The following GBP3 variants were observed in gnomAD, a reference collection of about 807,000 sequenced individuals.
The protein encoded by GBP3 is guanylate binding protein 3, also known as guanylate-binding protein 3.
In GBP3, 55 loss-of-function variants were observed where a neutral mutation model predicts 62.4. The observed-to-expected ratio is 0.88, with a 90% confidence interval of 0.71 to 1.10. The LOEUF (loss-of-function observed/expected upper bound fraction) is 1.10. Ranked by LOEUF, GBP3 falls within the 50% of genes least tolerant of loss-of-function variation. GBP3 has a pLI of 0.00. For missense variants in GBP3, 605 were observed against 690.6 expected, an observed-to-expected ratio of 0.88 and a Z score of 1.39; for synonymous variants, 208 against 259.2, an observed-to-expected ratio of 0.80 and a Z score of 1.90.
Position 89,020,712 on chromosome 1 carries a change from C to G in GBP3, c.10G>C (p.Glu4Gln), listed in dbSNP as rs1282354376. Residue 4 changes from glutamate to glutamine, a missense_variant, in exon 2 of 11, where the codon GAG (glutamate) becomes CAG (glutamine). Coordinates refer to ENST00000370481, the MANE Select transcript of GBP3 (RefSeq NM_018284.3). MAPEIHMTGPMCLI... is the reference protein window; with the variant it reads MAPQIHMTGPMCLI... ...CACATTGGGCCTGTCATGTGGATCT[C>G]TGGAGCCATGTCCAGGGCATTGTTC... 3 of 1,613,804 alleles carry G rather than the reference C, an allele frequency of 1.9e-6. No homozygotes were observed. Among genetic ancestry groups the G allele is most frequent in the Non-Finnish European group, 2.5e-6 (3 of 1,179,832 alleles).
Position 89,020,520 on chromosome 1 carries a change from C to G in GBP3, c.190+12G>C. On this transcript the variant is annotated intron_variant, in intron 2 of 10. Transcript: ENST00000370481. Reference sequence around the variant, plus strand: ...AGAAGGGACTTGGCAGAGCTTTGCTCATGCCACTCACCCTTATTCTTCCCA... The same window carrying G: ...AGAAGGGACTTGGCAGAGCTTTGCTGATGCCACTCACCCTTATTCTTCCCA... 6.2e-7 allele frequency: 1 copy of G among 1,613,880 alleles called. No individual in the cohort carries two copies. The highest frequency in any genetic ancestry group is 1.7e-5 in the Admixed American group (1 of 60,022).
intron 1 of GBP3, among the ~76,000 whole-genome samples, chr1:89,021,510 GCACACACACACA>G (rs1553178198): frequency 2.0e-4 from 27 of 131,738 alleles, no homozygotes; most frequent in African/African-American, 7.8e-4. Context: ...GCGCGCGCGC[GCACACACACACA>G]CACACACACA....
chr1:89,011,046 G>C lies in GBP3; in HGVS notation c.1220C>G (p.Ala407Gly), dbSNP rs1159498078. The C allele has an allele frequency of 6.2e-6, 9 of 1,462,006 alleles. 2 individuals are homozygous for C. The highest frequency in any genetic ancestry group is 1.4e-5 in the African/African-American group (1 of 73,960). The allele number at this position is 1,462,006 out of a possible 1,614,324, so 90.6% of individuals were successfully genotyped here. A position where few individuals can be genotyped will look rare whatever the true frequency, so the allele number is the denominator to read the frequency against. Residue 407 changes from alanine (A) to glycine (G), a missense_variant, in exon 8 of 11, where the codon GCT (alanine) becomes GGT (glycine). Around this residue, in one of 3 missense-constraint regions of GBP3, gnomAD observed 137 missense variants for 224.7 expected, o/e 0.61. Coordinates refer to ENST00000370481, the MANE Select transcript of GBP3 (RefSeq NM_018284.3). ...AGGACTGAAAATGACCTGAAGTAAA[G>C]CTGAGCAACGATCTGATGATGCTTC... ...NQEASSDRCS[A>G]LLQVIFSPLE... is the part of the protein sequence containing the mutation.
rs1678293666 is a variant in GBP3 at position 89,007,687 on chromosome 1, T to TATGCC, written c.*32_*36dup. 51 of 1,574,244 alleles carry TATGCC rather than the reference T, an allele frequency of 3.2e-5. No individual in the cohort carries two copies. The East Asian group carries it at 1.1e-3, about 35-fold the overall frequency. On this transcript the variant is annotated 3_prime_UTR_variant, in exon 11 of 11. Coordinates refer to ENST00000370481, the MANE Select transcript of GBP3 (RefSeq NM_018284.3). ...TTCCAAATTCTAAAATTGTTTCAGT[T>TATGCC]ATGCCTTGGGTTAGGATGACAGAAA... is the stretch of plus-strand genomic sequence containing the variant.
chr1:89,007,878 A>G (rs1160494281), intron 10 of GBP3, 26 bp from the exon 11 acceptor site: 3 of 1,604,830 alleles, frequency 1.9e-6, no homozygotes, highest in East Asian at 2.2e-5. Context: ...TGGAGGCTAA[A>G]TAAGTGTAGC....
At position 89,009,129 on chromosome 1, in the gene GBP3, T is replaced by G; in HGVS notation, c.1477A>C (p.Lys493Gln). The change falls in exon 10 of 11, where the codon AAA (lysine) becomes CAA (glutamine). Residue 493 changes from lysine to glutamine, a missense_variant. Coordinates refer to ENST00000370481, the MANE Select transcript of GBP3 (RefSeq NM_018284.3). ...KEKEIEVECV[K>Q]AESAQASAKM... The stretch of plus-strand genomic sequence containing the variant: ...GCTGAAGCCTGTGCAGATTCAGCTT[T>G]TACACATTCCACTGTGGAGGAAGAA... The G allele has an allele frequency of 6.2e-7, 1 of 1,614,050 alleles. No individual in the cohort carries two copies. Among genetic ancestry groups the G allele is most frequent in the Non-Finnish European group, 8.5e-7 (1 of 1,179,944 alleles).
chr1:89,018,562 C>G (rs1004793930), intron 2 of GBP3, among the ~76,000 whole-genome samples: 1 of 152,210 alleles, frequency 6.6e-6, no homozygotes, highest in African/African-American at 2.4e-5. Context: ...TGATTAATAT[C>G]TTGCTAATCA....
At chr1:89,013,608 A>T in intron 5 of GBP3, 181 bp from the exon 6 acceptor site, 1 of 646,870 alleles carries the variant, frequency 1.5e-6, no homozygotes, top group Non-Finnish European at 2.5e-6. Context: ...CTTCCCAAAA[A>T]ACCTCACTTA....
At chr1:89,013,677 A>G in intron 5 of GBP3, 1 of 502,350 alleles carries the variant, frequency 2.0e-6, no homozygotes, top group East Asian at 3.4e-5. Flanking sequence ...GTTCGCCAGC[A>G]TTTGGACTAG....
rs775203545 is a variant in GBP3, at chr1:89,007,789, G to A, written c.1723C>T (p.Gln575Ter). ...GESTQLQNEI[Q>*]KLQKTLKKKT... ...TTTTTCAGGGTCTTCTGTAGCTTTT[G>A]TATCTCATTTTGAAGTTGGGTACTT... Residue 575 changes from glutamine (Q) to a stop codon, truncating the protein, a stop_gained, in exon 11 of 11, where the codon CAA (glutamine) becomes TAA (stop). Coordinates refer to ENST00000370481, the MANE Select transcript of GBP3 (RefSeq NM_018284.3). LOFTEE classifies it low-confidence loss of function (END_TRUNC). 6.2e-7 allele frequency: 1 copy of A among 1,612,214 alleles called. No individual in the cohort carries two copies. Among genetic ancestry groups the A allele is most frequent in the South Asian group, 1.1e-5 (1 of 91,002 alleles).
Position 89,013,211 on chromosome 1 carries a change from G to A in GBP3, c.842C>T (p.Ser281Leu). The stretch of plus-strand genomic sequence containing the variant: ...AGGCCCATTGACCTTGATGCCTCCT[G>A]AAAGAGTTTTAGTTTTGGAATTGCT... ...IFSNSKTKTL[S>L]GGIKVNGPRL... Residue 281 changes from serine to leucine, a missense_variant, in exon 6 of 11, where the codon TCA becomes TTA. Transcript: ENST00000370481. 1 of 1,614,116 alleles carries A rather than the reference G, an allele frequency of 6.2e-7. No individual in the cohort carries two copies. The highest frequency in any genetic ancestry group is 8.5e-7 in the Non-Finnish European group (1 of 1,179,978).
In GBP3 at chr1:89,009,449, TCA is replaced by T. The variant is rs1557723346; in HGVS notation, c.1406_1407del (p.Val469AspfsTer19). 1 of 1,614,180 alleles carries T rather than the reference TCA, an allele frequency of 6.2e-7. No homozygotes were observed. Among genetic ancestry groups the T allele is most frequent in the Admixed American group, 1.7e-5 (1 of 60,020 alleles). On this transcript the variant is annotated frameshift_variant, in exon 9 of 11. Coordinates refer to ENST00000370481, the MANE Select transcript of GBP3 (RefSeq NM_018284.3). LOFTEE classifies it high-confidence loss of function. ...TGGTCTGTCTGTAGAATTGCATCGGTCACAGACTCCTTGGATTTCAAGTATGT... is the reference window on the plus strand; with the variant it reads ...TGGTCTGTCTGTAGAATTGCATCGGTCAGACTCCTTGGATTTCAAGTATGT... ...LQTYLKSKES[V>X]TDAILQTDQI...
In GBP3 at chr1:89,010,893, A is replaced by T. The variant is rs1678522010; in HGVS notation, c.1362+11T>A. ...GCAGGTTTCCATAATCGACAGATGA[A>T]TCTTGGTTACCTGTATCCCCTTCCT... On this transcript the variant is annotated intron_variant, in intron 8 of 10. Coordinates refer to ENST00000370481, the MANE Select transcript of GBP3 (RefSeq NM_018284.3). The T allele has an allele frequency of 6.8e-7, 1 of 1,461,474 alleles. No individual in the cohort carries two copies. The highest frequency in any genetic ancestry group is 1.4e-5 in the African/African-American group (1 of 73,794). The allele number at this position is 1,461,474 out of a possible 1,614,324, so 90.5% of individuals were successfully genotyped here.
intron 1 of GBP3, among the ~76,000 whole-genome samples, chr1:89,022,395 A>G (rs893011766): frequency 2.0e-5 from 3 of 152,254 alleles, no homozygotes; most frequent in Non-Finnish European, 2.9e-5. Flanking sequence ...ACAAAGAGAA[A>G]GACTATCCTA....
Position 89,006,806 on chromosome 1 carries a change from C to T in GBP3, c.*918G>A, listed in dbSNP as rs1678241266. On this transcript the variant is annotated 3_prime_UTR_variant, in exon 11 of 11. Coordinates refer to ENST00000370481, the MANE Select transcript of GBP3 (RefSeq NM_018284.3). ...CTACATATACTAAGTAATGGCAAGA[C>T]AATTATTTTATTGCTCAAAAGAAAG... 6.6e-6 allele frequency: 1 copy of T among 152,146 alleles called. No homozygotes were observed. The highest frequency in any genetic ancestry group is 1.5e-5 in the Non-Finnish European group (1 of 68,026). The allele number at this position is 152,146 out of a possible 1,614,324, so 9.4% of individuals were successfully genotyped here. A position where few individuals can be genotyped will look rare whatever the true frequency, so the allele number is the denominator to read the frequency against.
chr1:89,016,602 A>C (rs1179592469), intron 2 of GBP3, among the ~76,000 whole-genome samples: 2 of 151,556 alleles, frequency 1.3e-5, no homozygotes, highest in African/African-American at 2.4e-5. Context: ...TTTTTTTTGG[A>C]GACAGAGTCT....
rs776077145 is a variant in GBP3, at chr1:89,011,722, CATGTAA to C, written c.1149+19_1149+24del. On this transcript the variant is annotated intron_variant, in intron 7 of 10. Coordinates refer to ENST00000370481, the MANE Select transcript of GBP3 (RefSeq NM_018284.3). Reference sequence around the variant, plus strand: ...TACTTTGCCTTCCAAAATCCAAATCCATGTAAATGTGATAGAAAAATTACCGCTAAT... The same window carrying C: ...TACTTTGCCTTCCAAAATCCAAATCCATGTGATAGAAAAATTACCGCTAAT... 9 of 1,460,534 alleles carry C rather than the reference CATGTAA, an allele frequency of 6.2e-6. 2 individuals carry two copies. In the South Asian group the frequency reaches 1.1e-4, roughly 17 times the overall value. The allele number at this position is 1,460,534 out of a possible 1,614,324, so 90.5% of individuals were successfully genotyped here. A position where few individuals can be genotyped will look rare whatever the true frequency, so the allele number is the denominator to read the frequency against.
intron 1 of GBP3, among the ~76,000 whole-genome samples, chr1:89,022,371 C>T (rs751706438): frequency 1.6e-4 from 24 of 152,232 alleles, no homozygotes; most frequent in Non-Finnish European, 2.8e-4. Context: ...CCCTAGTCAA[C>T]ACAGACAATG....
chr1:89,017,121 T>C (rs748518249), intron 2 of GBP3, among the ~76,000 whole-genome samples: 1 of 152,048 alleles, frequency 6.6e-6, no homozygotes, highest in Non-Finnish European at 1.5e-5. Flanking sequence ...TACTACAAAA[T>C]CAGGATAATC....
Sources: allele counts gnomAD v4.1 joint callset (sites outside exome capture counted in the v4.1 genomes callset), GRCh38; gene constraint gnomAD v4.1.1; regional missense constraint gnomAD v4.1.1; transcripts MANE v1.5; gene names NCBI Gene and HGNC (gene_info 2026-07-23, HGNC 2026-07-21).